The following IFI16 variants were observed in gnomAD, a reference collection of about 807,000 sequenced individuals.
IFI16 encodes gamma-interferon-inducible protein 16.
IFI16 carries 49 observed loss-of-function variants against 68.4 expected under a neutral mutation model. The ratio of observed to expected loss-of-function variants is 0.72; its 90% CI spans 0.57 to 0.91. The LOEUF (loss-of-function observed/expected upper bound fraction) is 0.91. IFI16 is among the 40% of genes least tolerant of loss of function. The probability of loss-of-function intolerance (pLI) is 0.00; values close to 1 mark genes in which losing one functional copy is unlikely to be tolerated. For missense variants in IFI16, 878 were observed against 942.9 expected (o/e 0.93, Z 0.90); for synonymous variants, 307 against 315.0 (o/e 0.97, Z 0.27).
At position 159,054,807 on chromosome 1, in the gene IFI16, C is replaced by T; in HGVS notation, c.2278-14C>T. 6.6e-7 allele frequency: 1 copy of T among 1,514,712 alleles called. No homozygotes were observed. Among genetic ancestry groups the T allele is most frequent in the Non-Finnish European group, 9.1e-7 (1 of 1,093,656 alleles). The allele number at this position is 1,514,712 out of a possible 1,614,324, so 93.8% of individuals were successfully genotyped here. ...CATCTCAACTGGTCTGTCTTTATCT[C>T]TTTCTCCTTCAAGGTCATCAAGACC... On this transcript the variant is annotated splice_polypyrimidine_tract_variant and intron_variant, in intron 11 of 11. Transcript: ENST00000295809.
At chr1:159,004,819 C>T (rs1652193008), upstream of IFI16, among the ~76,000 whole-genome samples, 1 of 151,970 alleles carries the variant, frequency 6.6e-6, no homozygotes, top group African/African-American at 2.4e-5. Flanking sequence ...AAAGTGAAGT[C>T]CTGAAATTAA....
chr1:159,011,231 A>G (rs1557861091), intron 1 of IFI16, among the ~76,000 whole-genome samples: 3 of 152,046 alleles, frequency 2.0e-5, no homozygotes, highest in Non-Finnish European at 4.4e-5. Flanking sequence ...TAAAAATACA[A>G]TAATTAGCCG....
At chr1:159,048,345 A>T (rs1283432146) in intron 8 of IFI16, among the ~76,000 whole-genome samples, 1 of 151,462 alleles carries the variant, frequency 6.6e-6, no homozygotes, top group African/African-American at 2.4e-5. Context: ...CCCACTTCAC[A>T]TGTGAGAAAA....
intron 1 of IFI16, among the ~76,000 whole-genome samples, chr1:159,012,235 T>C (rs186088406): frequency 2.2e-4 from 34 of 152,284 alleles, no homozygotes; most frequent in Non-Finnish European, 2.9e-5. Context: ...TTAAATATCA[T>C]TTTGCCTAAA....
intron 6 of IFI16, among the ~76,000 whole-genome samples, chr1:159,031,220 A>AGTGAG (rs1653981451): frequency 6.6e-6 from 1 of 152,134 alleles, no homozygotes. Flanking sequence ...CCAGGCAGCA[A>AGTGAG]GTGAGCAGAG....
At chr1:159,040,044 G>T (rs1654532344) in intron 7 of IFI16, among the ~76,000 whole-genome samples, 1 of 152,154 alleles carries the variant, frequency 6.6e-6, no homozygotes, top group African/African-American at 2.4e-5. Flanking sequence ...ATCCAACTGG[G>T]CATATGAATA....
chr1:159,032,715 C>T (rs1654078544), intron 7 of IFI16, 24 bp downstream of exon 7: 2 of 1,544,980 alleles, frequency 1.3e-6, no homozygotes, highest in African/African-American at 1.4e-5. Context: ...GGTCCCATGC[C>T]TCATGTCTCC....
chr1:159,030,877 G>GTGA (rs1553209154), intron 6 of IFI16, among the ~76,000 whole-genome samples: 2 of 466 alleles, frequency 4.3e-3, no homozygotes, highest in Non-Finnish European at 0.015. Context: ...GGTGGTGGGT[G>GTGA]GGGGGGCCAC....
chr1:159,020,260 C>A, intron 5 of IFI16, 81 bp from the exon 6 acceptor site: 1 of 990,990 alleles, frequency 1.0e-6, no homozygotes, highest in Non-Finnish European at 1.5e-6. Context: ...TCTTGTTTAA[C>A]TCTCTTAGAA....
intron 1 of IFI16, among the ~76,000 whole-genome samples, chr1:159,011,608 T>C (rs1012658094): frequency 6.6e-6 from 1 of 151,432 alleles, no homozygotes; most frequent in African/African-American, 2.4e-5. Flanking sequence ...ATAATATCAT[T>C]AGATAAATTA....
At chr1:159,031,548 C>G (rs1376376194) in intron 6 of IFI16, among the ~76,000 whole-genome samples, 2 of 152,198 alleles carry the variant, frequency 1.3e-5, no homozygotes, top group Non-Finnish European at 2.9e-5. Context: ...TCGCTCAGCT[C>G]TCTAAATTCA....
Position 159,054,734 on chromosome 1 carries a change from G to C in IFI16, c.2278-87G>C, listed in dbSNP as rs984579832. ...GGAATAGGGGAAGAGATATGGTGCA[G>C]GGGGAGGAGATACAGTGTGATTGAA... is the stretch of plus-strand genomic sequence containing the variant. On this transcript the variant is annotated intron_variant, in intron 11 of 11. Coordinates refer to ENST00000295809, the MANE Select transcript of IFI16 (RefSeq NM_001376587.1). The C allele has an allele frequency of 4.5e-6, 3 of 669,012 alleles. No homozygotes were observed. In the African/African-American group the frequency reaches 5.4e-5, roughly 12 times the overall value. The allele number at this position is 669,012 out of a possible 1,614,324, so 41.4% of individuals were successfully genotyped here.
intron 4 of IFI16, among the ~76,000 whole-genome samples, chr1:159,017,091 G>A (rs1477619110): frequency 6.6e-6 from 1 of 152,170 alleles, no homozygotes; most frequent in Non-Finnish European, 1.5e-5. Context: ...TTTTCTTGTA[G>A]ATTAAACAAC....
chr1:159,001,705 AC>A (rs1401564716), upstream of IFI16, among the ~76,000 whole-genome samples: 1 of 152,150 alleles, frequency 6.6e-6, no homozygotes, highest in African/African-American at 2.4e-5. Context: ...CCCTCCTACA[AC>A]CCTATTACGT....
Position 159,016,438 on chromosome 1 carries a change from T to G in IFI16, c.382-95T>G, listed in dbSNP as rs1466907812. The G allele has an allele frequency of 5.1e-6, 6 of 1,166,092 alleles. No homozygotes were observed. The South Asian group carries it at 8.1e-5, about 16-fold the overall frequency. The allele number at this position is 1,166,092 out of a possible 1,614,324, so 72.2% of individuals were successfully genotyped here. ...CCTCTCAAGTTTCCAAGAAACATCT[T>G]CTTAGGAATAATAAAACTACTATCC... On this transcript the variant is annotated intron_variant, in intron 3 of 11. Transcript: ENST00000295809.
chr1:159,032,610 G>A lies in IFI16; in HGVS notation c.1248G>A (p.Glu416=), dbSNP rs773958420. The change falls in exon 7 of 12, where the codon GAG becomes GAA. Residue 416 remains glutamate, a synonymous_variant. Transcript: ENST00000295809. ...AGCGTCAGCTTCCATATCCTTCAGA[G>A]GCCAGCACAACCTTCCCTGAGAGCC... ...QEQRQLPYPS[E]ASTTFPESHL... 6 of 1,613,000 alleles carry A rather than the reference G, an allele frequency of 3.7e-6. No homozygotes were observed. The highest frequency in any genetic ancestry group is 1.3e-5 in the African/African-American group (1 of 74,940).
chr1:159,004,776 A>C (rs1296927092), upstream of IFI16, among the ~76,000 whole-genome samples: 2 of 152,238 alleles, frequency 1.3e-5, no homozygotes, highest in African/African-American at 2.4e-5. Context: ...TCAATTTTAG[A>C]GATAAATTAT....
chr1:159,017,507 T>G (rs181622675), intron 4 of IFI16, among the ~76,000 whole-genome samples: 135 of 152,286 alleles, frequency 8.9e-4, no homozygotes, highest in African/African-American at 3.1e-3. Context: ...TCATTTTAAA[T>G]GTCATTTAAC....
At position 159,015,964 on chromosome 1, in the gene IFI16, G is replaced by GC; in HGVS notation, c.359dup (p.Glu121ArgfsTer23). On this transcript the variant is annotated frameshift_variant, in exon 3 of 12. Transcript: ENST00000295809. LOFTEE classifies it high-confidence loss of function. ...AAGCAGCACTGTCAAAACTGAAGGA[G>GC]CAGAGGCAACTCCTGGAGCTCAGGT... is the stretch of plus-strand genomic sequence containing the variant. The GC allele has an allele frequency of 1.2e-6, 2 of 1,613,796 alleles. No homozygotes were observed. Among genetic ancestry groups the GC allele is most frequent in the Non-Finnish European group, 1.7e-6 (2 of 1,179,694 alleles).
Sources: gnomAD v4.1 joint callset for allele counts (sites outside exome capture counted in the v4.1 genomes callset) on GRCh38, gnomAD v4.1.1 for gene constraint, MANE v1.5 for transcripts, NCBI Gene and HGNC (gene_info 2026-07-23, HGNC 2026-07-21) for gene names.